COL14A1: variants seen among roughly 807,000 people sequenced by gnomAD.
COL14A1 encodes collagen type XIV alpha 1 chain.
COL14A1 carries 136 observed loss-of-function variants against 230.3 expected under a neutral mutation model. The observed-to-expected ratio is 0.59, with a 90% CI of 0.51 to 0.68. COL14A1 has a LOEUF of 0.68. COL14A1 is among the 30% of genes least tolerant of loss of function. The pLI, the probability that COL14A1 is intolerant of heterozygous loss-of-function variation, is 0.00. For missense variants in COL14A1, 1,976 were observed against 2,215.8 expected, an observed-to-expected ratio of 0.89 and a Z score of 2.17; for synonymous variants, 792 against 784.1, an observed-to-expected ratio of 1.01 and a Z score of -0.17.
intron 37 of COL14A1, among the ~76,000 whole-genome samples, chr8:120,312,225 G>C (rs1333349875): frequency 1.3e-5 from 2 of 151,830 alleles, no homozygotes; most frequent in Non-Finnish European, 1.5e-5. Context: ...TAAAAATCCA[G>C]CTCCCTCCCT....
chr8:120,324,057 C>G (rs1821564548), intron 40 of COL14A1, among the ~76,000 whole-genome samples: 1 of 152,140 alleles, frequency 6.6e-6, no homozygotes, highest in Middle Eastern at 3.4e-3. Flanking sequence ...ACAATGGACA[C>G]TGGGACCTAC....
intron 21 of COL14A1, among the ~76,000 whole-genome samples, chr8:120,248,206 A>T (rs1412156228): frequency 6.6e-6 from 1 of 151,928 alleles, no homozygotes; most frequent in Non-Finnish European, 1.5e-5. Context: ...GAATAGGGGG[A>T]AGAAAAAAAA....
chr8:120,206,328 A>T (rs1817430489), intron 9 of COL14A1, among the ~76,000 whole-genome samples: 1 of 152,162 alleles, frequency 6.6e-6, no homozygotes, highest in African/African-American at 2.4e-5. Flanking sequence ...TGATACACAC[A>T]TGCTTAGTTA....
intron 44 of COL14A1, among the ~76,000 whole-genome samples, chr8:120,343,737 T>A (rs1563748772): frequency 6.6e-6 from 1 of 152,238 alleles, no homozygotes; most frequent in Admixed American, 6.5e-5. Context: ...CAAAATAGGA[T>A]CTTTAAAAAT....
intron 34 of COL14A1, among the ~76,000 whole-genome samples, chr8:120,296,880 T>A (rs926233713): frequency 6.6e-6 from 1 of 151,988 alleles, no homozygotes; most frequent in Non-Finnish European, 1.5e-5. Flanking sequence ...TGCCACATTG[T>A]GTACCATATT....
intron 5 of COL14A1, among the ~76,000 whole-genome samples, chr8:120,170,264 A>C (rs534835229): frequency 2.6e-5 from 4 of 151,148 alleles, no homozygotes; most frequent in African/African-American, 7.3e-5. Flanking sequence ...TTAATTTTTA[A>C]TTTTTCTTTT....
intron 45 of COL14A1, among the ~76,000 whole-genome samples, chr8:120,364,836 T>A (rs1823352737): frequency 6.6e-6 from 1 of 151,518 alleles, no homozygotes; most frequent in Non-Finnish European, 1.5e-5. Flanking sequence ...TGAGCTGAGA[T>A]TATGCCACTA....
intron 38 of COL14A1, among the ~76,000 whole-genome samples, chr8:120,315,268 G>T (rs987337905): frequency 4.0e-5 from 6 of 151,610 alleles, no homozygotes; most frequent in African/African-American, 1.2e-4. Context: ...TACTCAGGAG[G>T]CTGAGGCAGG....
chr8:120,291,559 C>CA (rs375963111), intron 34 of COL14A1, among the ~76,000 whole-genome samples: 3,376 of 40,372 alleles, frequency 0.084, 190 homozygotes, highest in African/African-American at 0.13. Flanking sequence ...GACTCCATCT[C>CA]AAAAAAAAAA....
intron 45 of COL14A1, among the ~76,000 whole-genome samples, chr8:120,364,388 G>A (rs539652090): frequency 2.0e-4 from 30 of 152,162 alleles, no homozygotes; most frequent in African/African-American, 7.0e-4. Flanking sequence ...AAGTCTCTAC[G>A]CTTAGCCTTT....
intron 1 of COL14A1, among the ~76,000 whole-genome samples, chr8:120,136,789 C>A (rs1814723609): frequency 6.6e-6 from 1 of 151,354 alleles, no homozygotes; most frequent in South Asian, 2.1e-4. Context: ...CATGGTGAAA[C>A]CCCCATCTCT....
At chr8:120,125,886 G>A (rs979536944) in intron 1 of COL14A1, among the ~76,000 whole-genome samples, 1 of 152,172 alleles carries the variant, frequency 6.6e-6, no homozygotes, top group Non-Finnish European at 1.5e-5. Context: ...GGGTAGCTGA[G>A]AACCAGGCGC....
rs1821014592 is a variant in COL14A1 at position 120,310,946 on chromosome 8, G to A, written c.4455+884G>A. On this transcript the variant is annotated intron_variant, in intron 37 of 47. Transcript: ENST00000297848. ...ACATGTTCTCCTCTCCATCCATCTT[G>A]CTTGACTTACTGCTCAGTATGGTTT... Among the ~76,000 whole-genome samples, 4 of 152,130 alleles carry A rather than the reference G, an allele frequency of 2.6e-5. No individual in the cohort carries two copies. In the South Asian group the frequency reaches 8.3e-4, roughly 32 times the overall value.
intron 36 of COL14A1, among the ~76,000 whole-genome samples, chr8:120,308,382 A>G (rs1047543002): frequency 3.0e-4 from 46 of 152,384 alleles, no homozygotes; most frequent in African/African-American, 9.6e-4. Flanking sequence ...TCCAAGGTTC[A>G]GACAACTATG....
rs770887482 is a variant in COL14A1 at position 120,206,967 on chromosome 8, C to A, written c.1064C>A (p.Pro355Gln). Residue 355 changes from proline to glutamine, a missense_variant, in exon 10 of 48, where the codon CCG becomes CAG. By Grantham distance (76) the Pro-to-Gln change is moderately conservative. Coordinates refer to ENST00000297848, the MANE Select transcript of COL14A1 (RefSeq NM_021110.4). ...IKASAHAITG[P>Q]PTELITSEVT... The stretch of plus-strand genomic sequence containing the variant: ...GCCTCAGCCCATGCCATCACTGGGC[C>A]GCCTACGGAGTTGATTACTTCTGAA... The A allele has an allele frequency of 1.2e-6, 2 of 1,610,668 alleles. No homozygotes were observed. Among genetic ancestry groups the A allele is most frequent in the East Asian group, 4.5e-5 (2 of 44,768 alleles).
chr8:120,294,675 GC>G (rs1820471535), intron 34 of COL14A1, among the ~76,000 whole-genome samples: 1 of 151,318 alleles, frequency 6.6e-6, no homozygotes, highest in Admixed American at 6.6e-5. Flanking sequence ...AAAGCCAAAG[GC>G]TTTTTTTCTC....
intron 28 of COL14A1, 141 bp from the exon 29 acceptor site, chr8:120,279,794 T>C: frequency 1.3e-6 from 1 of 774,436 alleles, no homozygotes; most frequent in South Asian, 2.0e-5. Context: ...AGAACTCTGA[T>C]GAACTGTAAA....
intron 45 of COL14A1, among the ~76,000 whole-genome samples, chr8:120,361,895 C>T (rs943771733): frequency 4.6e-5 from 7 of 152,220 alleles, no homozygotes; most frequent in South Asian, 4.1e-4. Flanking sequence ...CAAGGGCCAG[C>T]CCCTGGACAT....
rs750196447 is a variant in COL14A1, at chr8:120,300,821, A to G, written c.4401+3A>G. The G allele has an allele frequency of 6.2e-7, 1 of 1,611,724 alleles. No individual in the cohort carries two copies. Among genetic ancestry groups the G allele is most frequent in the South Asian group, 1.1e-5 (1 of 90,856 alleles). ...CTCTGGGACCAGCGGGCCCACCAGT[A>G]AGTCTTGCTGAGTTCAGCCTTAAAT... On this transcript the variant is annotated splice_donor_region_variant and intron_variant, in intron 36 of 47. Transcript: ENST00000297848.
Sources: gnomAD v4.1 joint callset for allele counts (sites outside exome capture counted in the v4.1 genomes callset) on GRCh38, gnomAD v4.1.1 for gene constraint, MANE v1.5 for transcripts, NCBI Gene and HGNC (gene_info 2026-07-23, HGNC 2026-07-21) for gene names.